MFSD8: variants seen among roughly 807,000 people sequenced by gnomAD.
MFSD8 encodes the protein major facilitator superfamily domain containing 8, also known as major facilitator superfamily domain-containing protein 8.
A neutral mutation model predicts 66.4 loss-of-function variants in MFSD8; 55 were observed. The ratio of observed to expected loss-of-function variants is 0.83; its 90% CI spans 0.67 to 1.04. The LOEUF is 1.04. Ranked by LOEUF, MFSD8 falls within the 50% of genes least tolerant of loss-of-function variation. The pLI is 0.00. For synonymous variants in MFSD8, 202 were observed against 212.8 expected (o/e 0.95, Z 0.44); for missense variants, 550 against 627.6 (o/e 0.88, Z 1.32).
intron 7 of MFSD8, among the ~76,000 whole-genome samples, chr4:127,935,715 AC>A (rs1738957603): frequency 6.6e-6 from 1 of 152,198 alleles, no homozygotes; most frequent in Admixed American, 6.5e-5. Flanking sequence ...CTGTGACATG[AC>A]GGAAATGTTA....
Position 127,920,161 on chromosome 4 carries a change from T to G in MFSD8, c.*469A>C, listed in dbSNP as rs1299022264. 2 of 158,266 alleles carry G rather than the reference T, an allele frequency of 1.3e-5. No homozygotes were observed. Among genetic ancestry groups the G allele is most frequent in the African/African-American group, 4.8e-5 (2 of 41,420 alleles). The allele number at this position is 158,266 out of a possible 1,614,324, so 9.8% of individuals were successfully genotyped here. On this transcript the variant is annotated 3_prime_UTR_variant, in exon 12 of 12. Transcript: ENST00000641686. Reference sequence around the variant, plus strand: ...AGTGAACTTGATAATAGAAAATGCATTTTTTTATAAATAAAAAGTAGGTGT... The same window carrying G: ...AGTGAACTTGATAATAGAAAATGCAGTTTTTTATAAATAAAAAGTAGGTGT...
chr4:127,923,371 T>A (rs770930274), intron 9 of MFSD8, among the ~76,000 whole-genome samples: 1 of 152,064 alleles, frequency 6.6e-6, no homozygotes, highest in Non-Finnish European at 1.5e-5. Flanking sequence ...CTTTTCTGCA[T>A]ATATTGAGAT....
chr4:127,941,753 C>G (rs111750463), intron 5 of MFSD8, among the ~76,000 whole-genome samples: 1 of 152,200 alleles, frequency 6.6e-6, no homozygotes, highest in East Asian at 1.9e-4. Context: ...TGGACCACCA[C>G]GCATGGCCTC....
rs756204684 is a variant in MFSD8 at position 127,921,896 on chromosome 4, G to T, written c.1066C>A (p.Pro356Thr). The change falls in exon 10 of 12, where the codon CCT becomes ACT. Residue 356 changes from proline to threonine, a missense_variant. Physicochemically the swap from Pro to Thr is conservative, Grantham distance 38. Transcript: ENST00000641686. ...ATTTTGGGAAATTGATTTCCCCAAG[G>T]TAACAAGATAAAGAAGCCAACCCAT... The part of the protein sequence containing the change: ...VVWVGFFILL[P>T]WGNQFPKIQW... 6 of 1,614,070 alleles carry T rather than the reference G, an allele frequency of 3.7e-6. No individual in the cohort carries two copies. The highest frequency in any genetic ancestry group is 1.7e-5 in the Admixed American group (1 of 60,008).
At chr4:127,958,741 G>C (rs937334502) in intron 1 of MFSD8, among the ~76,000 whole-genome samples, 5 of 152,116 alleles carry the variant, frequency 3.3e-5, no homozygotes, top group Admixed American at 6.5e-5. Context: ...ATATATCTAA[G>C]TTAGGGAATC....
At chr4:127,925,116 T>A (rs1331097438) in intron 9 of MFSD8, among the ~76,000 whole-genome samples, 1 of 152,150 alleles carries the variant, frequency 6.6e-6, no homozygotes, top group Non-Finnish European at 1.5e-5. Flanking sequence ...GACTTAAACA[T>A]AGGACCTAAA....
chr4:127,922,061 T>G, intron 9 of MFSD8, 98 bp from the exon 10 acceptor site: 1 of 1,113,094 alleles, frequency 9.0e-7, no homozygotes, highest in South Asian at 1.3e-5. Flanking sequence ...TATCTTGTAC[T>G]TTTAGTGATA....
intron 3 of MFSD8, among the ~76,000 whole-genome samples, chr4:127,946,544 A>C (rs1281755758): frequency 2.0e-5 from 3 of 152,208 alleles, no homozygotes; most frequent in Non-Finnish European, 4.4e-5. Context: ...AACCAGTAAA[A>C]AGTAAAATTT....
chr4:127,945,411 A>C (rs1165204881), intron 3 of MFSD8: 2 of 152,094 alleles, frequency 1.3e-5, no homozygotes, highest in Admixed American at 6.6e-5. Flanking sequence ...TCTACCTCCC[A>C]GGTTCAAGCG....
chr4:127,931,109 C>T (rs1738047429), intron 8 of MFSD8, among the ~76,000 whole-genome samples: 1 of 152,082 alleles, frequency 6.6e-6, no homozygotes, highest in South Asian at 2.1e-4. Context: ...CAAGCCACAC[C>T]AATCATAATG....
chr4:127,942,261 AGTACAGTCACTG>A, intron 4 of MFSD8, 103 bp from the exon 5 acceptor site: 1 of 846,484 alleles, frequency 1.2e-6, no homozygotes, highest in Non-Finnish European at 2.0e-6. Context: ...CTTGGTCAAC[AGTACAGTCACTG>A]CTTCCTCTTT....
intron 5 of MFSD8, among the ~76,000 whole-genome samples, chr4:127,940,458 T>G (rs946601022): frequency 6.6e-6 from 1 of 150,572 alleles, no homozygotes; most frequent in African/African-American, 2.4e-5. Context: ...TCAGCTTCAT[T>G]ATAAGAATGA....
intron 1 of MFSD8, among the ~76,000 whole-genome samples, chr4:127,958,971 A>C (rs932694629): frequency 1.3e-5 from 2 of 152,242 alleles, no homozygotes; most frequent in East Asian, 3.8e-4. Flanking sequence ...TAAGGAGAGG[A>C]TAGTCAAAGG....
At chr4:127,929,812 T>C (rs939010522) in intron 9 of MFSD8, among the ~76,000 whole-genome samples, 15 of 152,178 alleles carry the variant, frequency 9.9e-5, no homozygotes, top group Non-Finnish European at 2.1e-4. Flanking sequence ...GTAATTCAAA[T>C]GTTCCTAGCA....
At chr4:127,931,008 T>G (rs2148874612) in intron 8 of MFSD8, among the ~76,000 whole-genome samples, 191 bp from the exon 9 acceptor site, 1 of 152,334 alleles carries the variant, frequency 6.6e-6, no homozygotes, top group East Asian at 1.9e-4. Flanking sequence ...TTACTAAGTC[T>G]GCCTACTCAT....
chr4:127,932,181 C>G (rs1738255094), intron 8 of MFSD8: 1 of 152,016 alleles, frequency 6.6e-6, no homozygotes, highest in African/African-American at 2.4e-5. Flanking sequence ...AAAAATTGCC[C>G]CTAAAATATC....
At position 127,950,280 on chromosome 4, in the gene MFSD8, T is replaced by C. The variant is rs78559058; in HGVS notation, c.155-433A>G. On this transcript the variant is annotated intron_variant, in intron 2 of 11. Coordinates refer to ENST00000641686, the MANE Select transcript of MFSD8 (RefSeq NM_001371596.2). ...AAAATGATCATCTACAGGGGGGCTA[T>C]AGAAAACCAGAATACTTCAAGATGG... Among the ~76,000 whole-genome samples, 37 of 152,324 alleles carry C rather than the reference T, an allele frequency of 2.4e-4. 1 individual carries two copies. The highest frequency in any genetic ancestry group is 2.0e-3 in the Admixed American group (30 of 15,306).
chr4:127,931,254 C>G (rs550440520), intron 8 of MFSD8, among the ~76,000 whole-genome samples: 1 of 152,268 alleles, frequency 6.6e-6, no homozygotes, highest in Non-Finnish European at 1.5e-5. Flanking sequence ...CTTTGCCTCT[C>G]AATGTCTCTT....
At chr4:127,961,213 A>C (rs752615185) in intron 1 of MFSD8, among the ~76,000 whole-genome samples, 1 of 152,060 alleles carries the variant, frequency 6.6e-6, no homozygotes, top group Non-Finnish European at 1.5e-5. Context: ...CTAGTTGTAC[A>C]TAGGTTCACT....
Sources: gnomAD v4.1 joint callset for allele counts (sites outside exome capture counted in the v4.1 genomes callset) on GRCh38, gnomAD v4.1.1 for gene constraint, MANE v1.5 for transcripts, NCBI Gene and HGNC (gene_info 2026-07-23, HGNC 2026-07-21) for gene names.